Variants in GABRA1 observed in about 807,000 individuals in gnomAD.
The protein encoded by GABRA1 is gamma-aminobutyric acid type A receptor subunit alpha1.
A neutral mutation model predicts 48.9 loss-of-function variants in GABRA1; 9 were observed. That is an observed-to-expected ratio of 0.18 (90% CI 0.11 to 0.32). GABRA1 has a LOEUF of 0.32. Ranked by LOEUF, GABRA1 falls within the 10% of genes least tolerant of loss-of-function variation. GABRA1 has a pLI of 1.00. For missense variants in GABRA1, 285 were observed against 553.8 expected, an observed-to-expected ratio of 0.51 and a Z score of 4.87; for synonymous variants, 210 against 198.7, an observed-to-expected ratio of 1.06 and a Z score of -0.48.
chr5:161,874,548 T>C (rs1754264049), intron 5 of GABRA1, among the ~76,000 whole-genome samples: 1 of 152,140 alleles, frequency 6.6e-6, no homozygotes, highest in Admixed American at 6.6e-5. Context: ...TCCTAAGTGG[T>C]TTATTGATTA....
intron 3 of GABRA1, among the ~76,000 whole-genome samples, chr5:161,859,465 C>T (rs1757769238): frequency 6.6e-6 from 1 of 151,674 alleles, no homozygotes; most frequent in Admixed American, 6.6e-5. Context: ...GGTTCCATTT[C>T]TTTATGTAAA....
chr5:161,868,876 A>G (rs1230601097), intron 4 of GABRA1, among the ~76,000 whole-genome samples: 1 of 152,172 alleles, frequency 6.6e-6, no homozygotes, highest in Non-Finnish European at 1.5e-5. Context: ...TATAATCTAC[A>G]TTTTATATTT....
chr5:161,896,396 G>T (rs556972071), intron 9 of GABRA1, among the ~76,000 whole-genome samples: 1 of 152,076 alleles, frequency 6.6e-6, no homozygotes, highest in East Asian at 1.9e-4. Context: ...ATGCTTTAGG[G>T]ATCATAACAC....
chr5:161,897,302 C>T lies in GABRA1; in HGVS notation c.1251C>T (p.Ser417=), dbSNP rs1439460739. 6.2e-7 allele frequency: 1 copy of T among 1,613,964 alleles called. No individual in the cohort carries two copies. Among genetic ancestry groups the T allele is most frequent in the Non-Finnish European group, 8.5e-7 (1 of 1,180,002 alleles). Residue 417 remains serine (S), a synonymous_variant, in exon 10 of 10, where the codon AGC becomes AGT. Coordinates refer to ENST00000393943, the MANE Select transcript of GABRA1 (RefSeq NM_001127644.2). ...PEPKKTFNSV[S]KIDRLSRIAF... ...CCAAGAAAACCTTTAACAGTGTCAG[C>T]AAAATTGACCGACTGTCAAGAATAG...
In GABRA1 at chr5:161,898,081, T is replaced by G. The variant is rs1178241024; in HGVS notation, c.*659T>G. 6.6e-6 allele frequency: 1 copy of G among 152,296 alleles called. No homozygotes were observed. Among genetic ancestry groups the G allele is most frequent in the South Asian group, 2.1e-4 (1 of 4,834 alleles). The allele number at this position is 152,296 out of a possible 1,614,324, so 9.4% of individuals were successfully genotyped here. On this transcript the variant is annotated 3_prime_UTR_variant, in exon 10 of 10. Transcript: ENST00000393943. ...TACGTAAAGGTGCAGTTGCTCATTG[T>G]AGAGCACATTTAGTCCAATGAAGAT...
intron 6 of GABRA1, among the ~76,000 whole-genome samples, chr5:161,881,476 G>T (rs1754610396): frequency 6.6e-6 from 1 of 152,088 alleles, no homozygotes; most frequent in South Asian, 2.1e-4. Flanking sequence ...AGTTCAAAGT[G>T]ACATGGCAAA....
intron 8 of GABRA1, among the ~76,000 whole-genome samples, chr5:161,895,371 AG>A (rs1755314338): frequency 6.6e-6 from 1 of 152,174 alleles, no homozygotes; most frequent in South Asian, 2.1e-4. Flanking sequence ...TGTTTTACCC[AG>A]GACACCCATG....
At chr5:161,869,030 T>C (rs1406236867) in intron 4 of GABRA1, among the ~76,000 whole-genome samples, 1 of 152,206 alleles carries the variant, frequency 6.6e-6, no homozygotes, top group Non-Finnish European at 1.5e-5. Flanking sequence ...GGTTTGCTAG[T>C]AGCTGGTAGA....
chr5:161,863,608 G>T (rs1757941310), intron 3 of GABRA1, among the ~76,000 whole-genome samples: 1 of 151,942 alleles, frequency 6.6e-6, no homozygotes, highest in Non-Finnish European at 1.5e-5. Context: ...CTCCAAAATT[G>T]GGAATTAAAG....
intron 3 of GABRA1, among the ~76,000 whole-genome samples, chr5:161,864,553 A>C (rs1196836700): frequency 6.6e-6 from 1 of 151,992 alleles, no homozygotes; most frequent in Non-Finnish European, 1.5e-5. Context: ...AATTCAAAGG[A>C]ATTTATAAAA....
intron 7 of GABRA1, 119 bp downstream of exon 7, chr5:161,882,820 A>G (rs1754674940): frequency 9.8e-7 from 1 of 1,024,186 alleles, no homozygotes; most frequent in Non-Finnish European, 1.5e-6. Context: ...TAAATTGGGC[A>G]TCAGTTGAGC....
At position 161,893,048 on chromosome 5, in the gene GABRA1, T is replaced by TAATAATAATAAAA. The variant is rs5872733; in HGVS notation, c.856+2000_856+2001insTAATAATAAAAAA. ...ATAATAATAATAATAATAATAATAA[T>TAATAATAATAAAA]AAAATAAACACAGGACATATTTATG... On this transcript the variant is annotated intron_variant, in intron 8 of 9. Coordinates refer to ENST00000393943, the MANE Select transcript of GABRA1 (RefSeq NM_001127644.2). Among the ~76,000 whole-genome samples the TAATAATAATAAAA allele has an allele frequency of 2.6e-3, 370 of 141,998 alleles. 4 individuals carry two copies. Among genetic ancestry groups the TAATAATAATAAAA allele is most frequent in the South Asian group, 7.8e-3 (35 of 4,516 alleles). 93.2% of individuals were successfully genotyped at this position (141,998 alleles called of 152,430 possible).
rs61241552 is a variant in GABRA1 at position 161,850,081 on chromosome 5, T to TTG, written c.-15-690_-15-689dup. ...TATGTGTGGGCATGTTTGTGTGCATTTGTGTGTGTGTGTGTGTGTGTGTGT... is the reference window on the plus strand; with the variant it reads ...TATGTGTGGGCATGTTTGTGTGCATTTGTGTGTGTGTGTGTGTGTGTGTGTGT... On this transcript the variant is annotated intron_variant, in intron 1 of 9. Coordinates refer to ENST00000393943, the MANE Select transcript of GABRA1 (RefSeq NM_001127644.2). 6.4e-3 allele frequency: 948 copies of TTG among 148,006 alleles called. 8 individuals are homozygous for TTG. Among genetic ancestry groups the TTG allele is most frequent in the Non-Finnish European group, 7.8e-3 (524 of 66,916 alleles). The allele number at this position is 148,006 out of a possible 1,614,324, so 9.2% of individuals were successfully genotyped here.
At chr5:161,868,609 AT>A (rs559319585) in intron 4 of GABRA1, among the ~76,000 whole-genome samples, 215 of 152,254 alleles carry the variant, frequency 1.4e-3, no homozygotes, top group Middle Eastern at 6.8e-3. Context: ...ACTTATAATA[AT>A]GTAAAATTTG....
intron 7 of GABRA1, among the ~76,000 whole-genome samples, chr5:161,886,962 A>G (rs1754876206): frequency 6.6e-6 from 1 of 152,122 alleles, no homozygotes. Context: ...TGCAAAAATT[A>G]CTACAGTGAC....
At chr5:161,856,077 A>G (rs1294191046) in intron 3 of GABRA1, among the ~76,000 whole-genome samples, 1 of 151,340 alleles carries the variant, frequency 6.6e-6, no homozygotes, top group Non-Finnish European at 1.5e-5. Context: ...TAACTCTTTA[A>G]TAAATGTATA....
chr5:161,885,938 G>T (rs771605634), intron 7 of GABRA1, among the ~76,000 whole-genome samples: 2 of 152,076 alleles, frequency 1.3e-5, no homozygotes, highest in East Asian at 1.9e-4. Flanking sequence ...AGAGATGAAA[G>T]GCACAAAACC....
Position 161,898,737 on chromosome 5 carries a change from G to A in GABRA1, c.*1315G>A, listed in dbSNP as rs1286947746. 1 of 152,474 alleles carries A rather than the reference G, an allele frequency of 6.6e-6. No individual in the cohort carries two copies. Among genetic ancestry groups the A allele is most frequent in the Non-Finnish European group, 1.5e-5 (1 of 67,968 alleles). 9.4% of individuals were successfully genotyped at this position (152,474 alleles called of 1,614,324 possible). ...GGCTATTATAATATAGAAAGAAAAT[G>A]GGAAGCATTAGTTGGAGCTAGAAAA... On this transcript the variant is annotated 3_prime_UTR_variant, in exon 10 of 10. Coordinates refer to ENST00000393943, the MANE Select transcript of GABRA1 (RefSeq NM_001127644.2).
chr5:161,855,481 T>C (rs1757612815), intron 3 of GABRA1, among the ~76,000 whole-genome samples: 3 of 151,480 alleles, frequency 2.0e-5, no homozygotes, highest in Non-Finnish European at 4.4e-5. Context: ...TTTTAGGACA[T>C]ACTATACAAA....
Sources: gnomAD v4.1 joint callset for allele counts (sites outside exome capture counted in the v4.1 genomes callset) on GRCh38, gnomAD v4.1.1 for gene constraint, MANE v1.5 for transcripts, NCBI Gene and HGNC (gene_info 2026-07-23, HGNC 2026-07-21) for gene names.